ATM: variants seen among roughly 807,000 people sequenced by gnomAD.
ATM encodes the protein ATM serine/threonine kinase.
ATM carries 308 observed loss-of-function variants against 387.0 expected under a neutral mutation model. The ratio of observed to expected loss-of-function variants is 0.80; its 90% CI spans 0.73 to 0.87. ATM has a LOEUF of 0.87. Ranked by LOEUF, ATM falls within the 40% of genes least tolerant of loss-of-function variation. The pLI is 0.00. For synonymous variants in ATM, 1,156 were observed against 1,187.3 expected, an observed-to-expected ratio of 0.97 and a Z score of 0.54; for missense variants, 3,312 against 3,560.9, an observed-to-expected ratio of 0.93 and a Z score of 1.78.
intron 53 of ATM, 126 bp downstream of exon 53, chr11:108,333,026 A>T: frequency 1.6e-6 from 2 of 1,225,176 alleles, no homozygotes; most frequent in Non-Finnish European, 2.3e-6. Context: ...AGCTTAATTT[A>T]TATCTGATGG....
At chr11:108,343,394 G>C (rs2136955845) in intron 57 of ATM, 23 bp downstream of exon 57, 2 of 1,613,006 alleles carry the variant, frequency 1.2e-6, no homozygotes, top group Non-Finnish European at 8.5e-7. Context: ...CAAAATTAAA[G>C]GTTATTGTAA....
intron 25 of ATM, among the ~76,000 whole-genome samples, chr11:108,283,697 T>C (rs1185993496): frequency 3.3e-5 from 5 of 152,192 alleles, no homozygotes; most frequent in African/African-American, 9.7e-5. Flanking sequence ...GGATCCCCCA[T>C]GTATGCCTAA....
rs755656958 is a variant in ATM, at chr11:108,325,350, T to G, written c.6613T>G (p.Trp2205Gly). Residue 2205 changes from tryptophan (W) to glycine (G), a missense_variant, in exon 46 of 63, where the codon TGG becomes GGG. Trp to Gly is a radical substitution (Grantham distance 184). Around this residue, in one of 4 missense-constraint regions of ATM, gnomAD observed 1,405 missense variants for 1,604.4 expected, o/e 0.88. Coordinates refer to ENST00000675843, the MANE Select transcript of ATM (RefSeq NM_000051.4). ...ACAACTCTCTGAAGTATATATTAAG[T>G]GGCAGAAACACTCCCAGCTTCTCAA... ...HRQLSEVYIK[W>G]QKHSQLLKDS... 2 of 1,612,734 alleles carry G rather than the reference T, an allele frequency of 1.2e-6. No individual in the cohort carries two copies. The highest frequency in any genetic ancestry group is 1.7e-6 in the Non-Finnish European group (2 of 1,179,628).
chr11:108,324,209 G>A (rs982259845), intron 45 of ATM, among the ~76,000 whole-genome samples: 6 of 152,052 alleles, frequency 3.9e-5, no homozygotes, highest in Admixed American at 1.3e-4. Flanking sequence ...TTTTGGAAAT[G>A]TTTAATAAAA....
chr11:108,274,103 T>C (rs2081784849), intron 22 of ATM, among the ~76,000 whole-genome samples: 1 of 151,996 alleles, frequency 6.6e-6, no homozygotes, highest in Non-Finnish European at 1.5e-5. Context: ...AGTTGGGAGG[T>C]TGTATGTGTC....
intron 16 of ATM, among the ~76,000 whole-genome samples, chr11:108,266,941 G>C (rs1056400165): frequency 6.6e-5 from 10 of 151,880 alleles, no homozygotes; most frequent in Non-Finnish European, 1.3e-4. Context: ...GATTACAGGT[G>C]CCCACCACCA....
intron 48 of ATM, among the ~76,000 whole-genome samples, chr11:108,328,812 C>T (rs779102175): frequency 3.9e-5 from 6 of 152,126 alleles, no homozygotes; most frequent in Non-Finnish European, 7.4e-5. Context: ...AGAAAATGTA[C>T]GAATTTGTGT....
At chr11:108,254,895 C>T (rs572558718) in intron 13 of ATM, among the ~76,000 whole-genome samples, 5 of 152,216 alleles carry the variant, frequency 3.3e-5, no homozygotes, top group Non-Finnish European at 5.9e-5. Context: ...GTGATGGACC[C>T]GCCTCAGCAT....
chr11:108,366,190 CT>C lies in ATM; in HGVS notation c.*685del, dbSNP rs1352887931. ...GTATTAAAACTTCTCATTCTATTCT[CT>C]TTATCTTTTAAGCCCTTCTGTACTG... is the stretch of plus-strand genomic sequence containing the variant. On this transcript the variant is annotated 3_prime_UTR_variant, in exon 63 of 63. Coordinates refer to ENST00000675843, the MANE Select transcript of ATM (RefSeq NM_000051.4). 1.0e-5 allele frequency: 2 copies of C among 194,982 alleles called. No homozygotes were observed. Among genetic ancestry groups the C allele is most frequent in the African/African-American group, 4.6e-5 (2 of 43,364 alleles). 12.1% of individuals were successfully genotyped at this position (194,982 alleles called of 1,614,324 possible).
chr11:108,287,411 C>T (rs979677667), intron 26 of ATM, 189 bp from the exon 27 acceptor site: 1 of 440,222 alleles, frequency 2.3e-6, no homozygotes, highest in South Asian at 4.1e-5. Flanking sequence ...TCCTCTTAGT[C>T]TACAGGTTGG....
In ATM at chr11:108,227,846, A is replaced by T; in HGVS notation, c.143A>T (p.Asp48Val). The change falls in exon 3 of 63, where the codon GAT becomes GTT. Residue 48 changes from aspartate (D) to valine (V), a missense_variant. Physicochemically the swap from Asp to Val is radical, Grantham distance 152. This residue lies in a region of ATM where 1,791 missense variants were observed against 1,804.5 expected (regional missense o/e 0.99). Transcript: ENST00000675843. ...ATTAAACATCTAGATCGGCATTCAG[A>T]TTCCAAACAAGGAAAATATTTGAAT... ...ETIKHLDRHS[D>V]SKQGKYLNWD... 1 of 1,613,468 alleles carries T rather than the reference A, an allele frequency of 6.2e-7. No homozygotes were observed. Among genetic ancestry groups the T allele is most frequent in the Non-Finnish European group, 8.5e-7 (1 of 1,179,806 alleles).
intron 16 of ATM, among the ~76,000 whole-genome samples, chr11:108,262,680 C>G (rs1045327475): frequency 2.6e-5 from 4 of 151,492 alleles, no homozygotes; most frequent in Non-Finnish European, 5.9e-5. Flanking sequence ...TTAAAAGACA[C>G]AGACTGGCAA....
intron 38 of ATM, chr11:108,308,810 A>T: frequency 1.9e-6 from 1 of 537,240 alleles, no homozygotes; most frequent in Non-Finnish European, 3.3e-6. Flanking sequence ...TAGAAAAAGA[A>T]GTTTTATGCT....
intron 16 of ATM, among the ~76,000 whole-genome samples, chr11:108,266,566 C>T (rs2081256055): frequency 6.6e-6 from 1 of 151,308 alleles, no homozygotes; most frequent in African/African-American, 2.4e-5. Context: ...AGCACACCAG[C>T]ATGGCACATG....
chr11:108,302,985 G>A lies in ATM; in HGVS notation c.5452G>A (p.Gly1818Ser), dbSNP rs774784546. ...GACTTGTGCTTTTTTGGACAGTGGA[G>A]GCACAAAATGTGAAATTCTTCAATT... ...TLTCAFLDSGGTKCEILQLLK... is the reference protein window; with the variant it reads ...TLTCAFLDSGSTKCEILQLLK... The change falls in exon 36 of 63, where the codon GGC (glycine) becomes AGC (serine). Residue 1818 changes from glycine to serine, a missense_variant. This residue lies in a region of ATM where 1,405 missense variants were observed against 1,604.4 expected (regional missense o/e 0.88). Coordinates refer to ENST00000675843, the MANE Select transcript of ATM (RefSeq NM_000051.4). 2 of 1,613,386 alleles carry A rather than the reference G, an allele frequency of 1.2e-6. No individual in the cohort carries two copies. The highest frequency in any genetic ancestry group is 1.7e-6 in the Non-Finnish European group (2 of 1,179,498).
chr11:108,307,784 G>T (rs2083803306), intron 37 of ATM, 113 bp from the exon 38 acceptor site: 1 of 915,862 alleles, frequency 1.1e-6, no homozygotes, highest in African/African-American at 1.6e-5. Context: ...TTTGTGTTAG[G>T]TACTGCCCAC....
intron 16 of ATM, among the ~76,000 whole-genome samples, chr11:108,259,844 A>T (rs772775779): frequency 8.5e-5 from 13 of 152,192 alleles, no homozygotes; most frequent in Non-Finnish European, 1.5e-4. Context: ...AGTTATTGAA[A>T]TATCTATTGA....
chr11:108,263,331 T>G (rs1333229355), intron 16 of ATM, among the ~76,000 whole-genome samples: 1 of 138,606 alleles, frequency 7.2e-6, no homozygotes, highest in African/African-American at 2.7e-5. Flanking sequence ...ATTAAGAATC[T>G]CACTCAAAAC....
chr11:108,346,075 C>T (rs1477339162), intron 58 of ATM, among the ~76,000 whole-genome samples, 167 bp downstream of exon 58: 1 of 152,066 alleles, frequency 6.6e-6, no homozygotes, highest in Non-Finnish European at 1.5e-5. Context: ...TCTTGTTCAT[C>T]CTGATTCTTA....
Sources: gnomAD v4.1 joint callset for allele counts (sites outside exome capture counted in the v4.1 genomes callset) on GRCh38, gnomAD v4.1.1 for gene constraint, gnomAD v4.1.1 regional missense constraint, MANE v1.5 for transcripts, NCBI Gene and HGNC (gene_info 2026-07-23, HGNC 2026-07-21) for gene names.